The following PEX7 variants were observed in gnomAD, a reference collection of about 807,000 sequenced individuals.
The protein encoded by PEX7 is peroxisomal biogenesis factor 7.
PEX7 carries 34 observed loss-of-function variants against 47.5 expected under a neutral mutation model. The ratio of observed to expected loss-of-function variants is 0.72; its 90% confidence interval spans 0.54 to 0.95. PEX7 has a LOEUF of 0.95. PEX7 is among the 40% of genes least tolerant of loss of function. PEX7 has a pLI of 0.00. For synonymous variants in PEX7, 141 were observed against 148.8 expected, an observed-to-expected ratio of 0.95 and a Z score of 0.38; for missense variants, 394 against 400.3, an observed-to-expected ratio of 0.98 and a Z score of 0.13.
At chr6:136,891,036 C>G (rs758771618) in intron 8 of PEX7, among the ~76,000 whole-genome samples, 5 of 152,084 alleles carry the variant, frequency 3.3e-5, no homozygotes, top group Non-Finnish European at 7.4e-5. Context: ...TGATTTGTAC[C>G]AGTAAGCAAT....
At chr6:136,890,078 T>G (rs1035531209) in intron 8 of PEX7, among the ~76,000 whole-genome samples, 4 of 152,192 alleles carry the variant, frequency 2.6e-5, no homozygotes, top group African/African-American at 9.7e-5. Context: ...CCCTTTGAGG[T>G]CTGTCCTGAA....
chr6:136,837,030 A>G (rs1424291345), intron 3 of PEX7, among the ~76,000 whole-genome samples: 1 of 152,068 alleles, frequency 6.6e-6, no homozygotes, highest in Non-Finnish European at 1.5e-5. Context: ...TGAAACTCAT[A>G]TGTACCTTGT....
At chr6:136,853,427 G>T (rs908451368) in intron 5 of PEX7, among the ~76,000 whole-genome samples, 4 of 151,934 alleles carry the variant, frequency 2.6e-5, no homozygotes, top group Non-Finnish European at 5.9e-5. Context: ...TTTCAGTTAT[G>T]CAGCATCCAA....
At chr6:136,862,842 A>G (rs763904644) in intron 5 of PEX7, among the ~76,000 whole-genome samples, 58 of 152,192 alleles carry the variant, frequency 3.8e-4, no homozygotes, top group Non-Finnish European at 7.1e-4. Flanking sequence ...TGGTCAGTCA[A>G]TTGTGTTGAG....
At chr6:136,903,276 C>T (rs1775784705) in intron 9 of PEX7, among the ~76,000 whole-genome samples, 1 of 152,004 alleles carries the variant, frequency 6.6e-6, no homozygotes, top group Admixed American at 6.6e-5. Flanking sequence ...GCCACCCATC[C>T]AGTCTCTGTC....
intron 8 of PEX7, among the ~76,000 whole-genome samples, chr6:136,891,710 G>A (rs894885125): frequency 6.7e-6 from 1 of 149,806 alleles, no homozygotes; most frequent in African/African-American, 2.5e-5. Flanking sequence ...TGCAGATCAC[G>A]GTTCACTGCA....
intron 8 of PEX7, among the ~76,000 whole-genome samples, chr6:136,876,294 C>T (rs927895095): frequency 6.6e-6 from 1 of 152,170 alleles, no homozygotes; most frequent in African/African-American, 2.4e-5. Flanking sequence ...GCCTCAGCCT[C>T]CCAAAGTGCT....
intron 1 of PEX7, among the ~76,000 whole-genome samples, chr6:136,824,216 T>C (rs1774144655): frequency 6.6e-6 from 1 of 152,178 alleles, no homozygotes; most frequent in African/African-American, 2.4e-5. Context: ...TCTTTTTCTC[T>C]TTAGAGACAG....
At chr6:136,841,698 C>T (rs1459969779) in intron 3 of PEX7, among the ~76,000 whole-genome samples, 1 of 152,144 alleles carries the variant, frequency 6.6e-6, no homozygotes, top group East Asian at 1.9e-4. Context: ...ATCCTCCCAC[C>T]CCAGCCTCCT....
chr6:136,866,718 G>A lies in PEX7; in HGVS notation c.618G>A (p.Trp206Ter), dbSNP rs61753245. 12 of 1,613,554 alleles carry A rather than the reference G, an allele frequency of 7.4e-6. No homozygotes were observed. The African/African-American group carries it at 1.3e-4, about 18-fold the overall frequency. The change falls in exon 6 of 10, where the codon TGG becomes TGA. Residue 206 changes from tryptophan (W) to a stop codon, truncating the protein, a stop_gained. Transcript: ENST00000318471. LOFTEE classifies it high-confidence loss of function. ...AGGCAGAAATCTTGAGTTGTGACTG[G>A]TGTAAATACAATGAGGTATAGTGTA... is the stretch of plus-strand genomic sequence containing the variant. ...AHQAEILSCDWCKYNENLLVT... is the reference protein window; with the variant it reads ...AHQAEILSCD
rs1774095829 is a variant in PEX7 at position 136,822,645 on chromosome 6, G to A, written c.-21G>A. On this transcript the variant is annotated 5_prime_UTR_variant, in exon 1 of 10. Coordinates refer to ENST00000318471, the MANE Select transcript of PEX7 (RefSeq NM_000288.4). ...ACGGCTTCCGCGGCCGGGGCAGCGA[G>A]GGCCGGGGGCGGCGGGCGGGATGAG... The A allele has an allele frequency of 3.3e-6, 5 of 1,525,282 alleles. No individual in the cohort carries two copies. The highest frequency in any genetic ancestry group is 4.4e-6 in the Non-Finnish European group (5 of 1,141,388). 94.5% of individuals were successfully genotyped at this position (1,525,282 alleles called of 1,614,324 possible). A position where few individuals can be genotyped will look rare whatever the true frequency, so the allele number is the denominator to read the frequency against.
At chr6:136,892,111 A>T (rs1775565950) in intron 8 of PEX7, among the ~76,000 whole-genome samples, 1 of 152,258 alleles carries the variant, frequency 6.6e-6, no homozygotes, top group Non-Finnish European at 1.5e-5. Context: ...ATAAGTGCAT[A>T]TAAAAAATAT....
At chr6:136,890,077 G>A (rs1740860731) in intron 8 of PEX7, among the ~76,000 whole-genome samples, 1 of 152,142 alleles carries the variant, frequency 6.6e-6, no homozygotes, top group Non-Finnish European at 1.5e-5. Flanking sequence ...ACCCTTTGAG[G>A]TCTGTCCTGA....
rs63535662 is a variant in PEX7, at chr6:136,822,702, C to CGGACGCCG, written c.45_52dup (p.His18ArgfsTer35). The CGGACGCCG allele has an allele frequency of 2.0e-6, 3 of 1,518,618 alleles. No individual in the cohort carries two copies. The highest frequency in any genetic ancestry group is 2.6e-6 in the Non-Finnish European group (3 of 1,139,986). 94.1% of individuals were successfully genotyped at this position (1,518,618 alleles called of 1,614,324 possible). A position where few individuals can be genotyped will look rare whatever the true frequency, so the allele number is the denominator to read the frequency against. On this transcript the variant is annotated frameshift_variant, in exon 1 of 10. Transcript: ENST00000318471. LOFTEE classifies it high-confidence loss of function. ...GTGCGGTGGAGCGGCGCGGATGCTG[C>CGGACGCCG]GGACGCCGGGACGCCACGGCTACGC...
chr6:136,853,641 C>T (rs1004226717), intron 5 of PEX7, among the ~76,000 whole-genome samples: 1 of 152,004 alleles, frequency 6.6e-6, no homozygotes, highest in Non-Finnish European at 1.5e-5. Flanking sequence ...GTTGAAAATA[C>T]TCAGAAATGG....
chr6:136,831,657 A>G (rs1171173311), intron 3 of PEX7, among the ~76,000 whole-genome samples: 1 of 152,274 alleles, frequency 6.6e-6, no homozygotes, highest in Non-Finnish European at 1.5e-5. Context: ...CTTCTAAGAT[A>G]CAGTAGGGCT....
chr6:136,848,854 T>C (rs1283211653), intron 5 of PEX7, among the ~76,000 whole-genome samples: 1 of 152,210 alleles, frequency 6.6e-6, no homozygotes, highest in Non-Finnish European at 1.5e-5. Context: ...ATCAGTATGC[T>C]GCTGGCCTCA....
Position 136,900,473 on chromosome 6 carries a change from G to T in PEX7, c.903+2232G>T. 1 of 464,120 alleles carries T rather than the reference G, an allele frequency of 2.2e-6. No individual in the cohort carries two copies. Among genetic ancestry groups the T allele is most frequent in the South Asian group, 1.6e-5 (1 of 62,062 alleles). 28.8% of individuals were successfully genotyped at this position (464,120 alleles called of 1,614,324 possible). A position where few individuals can be genotyped will look rare whatever the true frequency, so the allele number is the denominator to read the frequency against. ...GGACCAAGGACATTGCCCCCCCAGT[G>T]ACAGCAGATCTCATCGTGTCTGTCA... On this transcript the variant is annotated intron_variant, in intron 9 of 9. Coordinates refer to ENST00000318471, the MANE Select transcript of PEX7 (RefSeq NM_000288.4). The surrounding 1 kb of genome is among the most constrained non-coding windows in gnomAD (Gnocchi z 4.2).
chr6:136,907,724 A>G (rs1234517976), intron 9 of PEX7, among the ~76,000 whole-genome samples: 1 of 152,160 alleles, frequency 6.6e-6, no homozygotes, highest in Non-Finnish European at 1.5e-5. Context: ...TAACAATCAC[A>G]TTAAATCATT....
Sources: gnomAD v4.1 joint callset for allele counts (sites outside exome capture counted in the v4.1 genomes callset) on GRCh38, gnomAD v4.1.1 for gene constraint, Gnocchi (gnomAD v3.1) non-coding constraint, MANE v1.5 for transcripts, NCBI Gene and HGNC (gene_info 2026-07-23, HGNC 2026-07-21) for gene names.